Variants in ADAM19 observed in about 807,000 individuals in gnomAD.
ADAM19 encodes the protein disintegrin and metalloproteinase domain-containing protein 19.
Under a neutral mutation model 114.7 loss-of-function variants are expected in ADAM19, and 65 were observed. The ratio of observed to expected loss-of-function variants is 0.57; its 90% CI spans 0.46 to 0.70. The LOEUF is 0.70. ADAM19 is among the 30% of genes least tolerant of loss of function. The pLI, the probability that ADAM19 is intolerant of heterozygous loss-of-function variation, is 0.00. For synonymous variants in ADAM19, 466 were observed against 460.5 expected (o/e 1.01, Z -0.15); for missense variants, 1,063 against 1,204.7 (o/e 0.88, Z 1.74).
intron 2 of ADAM19, among the ~76,000 whole-genome samples, chr5:157,567,566 G>C (rs1342004464): frequency 6.6e-6 from 1 of 152,188 alleles, no homozygotes; most frequent in Non-Finnish European, 1.5e-5. Context: ...GGGAGGCCAA[G>C]GTGGGCGGAT....
intron 8 of ADAM19, 94 bp from the exon 9 acceptor site, chr5:157,509,561 G>A (rs2113726253): frequency 5.0e-6 from 5 of 996,820 alleles, no homozygotes; most frequent in Non-Finnish European, 6.7e-6. Flanking sequence ...AGATTAAAAA[G>A]AAAAAAACTA....
In ADAM19 at chr5:157,530,860, C is replaced by G; in HGVS notation, c.354G>C (p.Thr118=). 1 of 1,614,146 alleles carries G rather than the reference C, an allele frequency of 6.2e-7. No individual in the cohort carries two copies. The highest frequency in any genetic ancestry group is 1.1e-5 in the South Asian group (1 of 91,082). ...KLEDHCFYHG[T]VRETELSSVT... is the part of the protein sequence containing the mutation. ...CGCTGGACAGTTCTGTCTCCCTCACCGTGCCGTGGTAAAAGCAGTGATCCT... is the reference window on the plus strand; with the variant it reads ...CGCTGGACAGTTCTGTCTCCCTCACGGTGCCGTGGTAAAAGCAGTGATCCT... The change falls in exon 5 of 23, where the codon ACG becomes ACC. Residue 118 remains threonine, a synonymous_variant. Transcript: ENST00000257527.
intron 5 of ADAM19, among the ~76,000 whole-genome samples, chr5:157,527,361 C>A (rs1355223841): frequency 6.6e-6 from 1 of 152,194 alleles, no homozygotes; most frequent in African/African-American, 2.4e-5. Context: ...CAGGTGCCCA[C>A]CACCACGCCT....
intron 5 of ADAM19, among the ~76,000 whole-genome samples, chr5:157,521,669 C>T (rs182630667): frequency 6.6e-6 from 1 of 152,274 alleles, no homozygotes; most frequent in Admixed American, 6.5e-5. Context: ...CCAATCACCC[C>T]CTCTGACGGA....
In ADAM19 at chr5:157,479,934, A is replaced by G. The variant is rs1272110425; in HGVS notation, c.*1015T>C. On this transcript the variant is annotated 3_prime_UTR_variant, in exon 23 of 23. Transcript: ENST00000257527. The stretch of plus-strand genomic sequence containing the variant: ...AGACCCCCACCCTGCTGAGGTCACA[A>G]AACACAATGAAAAATAAACATATGA... 1 of 985,796 alleles carries G rather than the reference A, an allele frequency of 1.0e-6. No homozygotes were observed. Among genetic ancestry groups the G allele is most frequent in the African/African-American group, 1.7e-5 (1 of 57,220 alleles). 61.1% of individuals were successfully genotyped at this position (985,796 alleles called of 1,614,324 possible).
intron 3 of ADAM19, among the ~76,000 whole-genome samples, chr5:157,562,563 C>A (rs1001441084): frequency 1.3e-5 from 2 of 152,152 alleles, no homozygotes; most frequent in Admixed American, 1.3e-4. Context: ...ACAAGGACAC[C>A]GAAGTTCCAA....
chr5:157,574,406 T>C (rs539014210), intron 1 of ADAM19, among the ~76,000 whole-genome samples: 2 of 152,238 alleles, frequency 1.3e-5, no homozygotes, highest in South Asian at 4.1e-4. Flanking sequence ...GTGCCTCAGT[T>C]TCCCCTTCGG....
chr5:157,568,192 T>C (rs6556087), intron 2 of ADAM19: 98,949 of 151,994 alleles, frequency 0.65, 33,579 homozygotes, highest in African/African-American at 0.86. Flanking sequence ...AGGCTGGTCT[T>C]GAACTCCTGA....
chr5:157,488,413 C>G lies in ADAM19; in HGVS notation c.2402G>C (p.Gly801Ala). 1.2e-6 allele frequency: 2 copies of G among 1,613,800 alleles called. No homozygotes were observed. Among genetic ancestry groups the G allele is most frequent in the Non-Finnish European group, 1.7e-6 (2 of 1,179,860 alleles). Residue 801 changes from glycine to alanine, a missense_variant, in exon 21 of 23, where the codon GGG becomes GCG. Physicochemically the swap from Gly to Ala is moderately conservative, Grantham distance 60. Coordinates refer to ENST00000257527, the MANE Select transcript of ADAM19 (RefSeq NM_033274.5). ...PRPPPDYLRG[G>A]SPPAPLPAHL... The stretch of plus-strand genomic sequence containing the variant: ...AGCTGGCAGTGGTGCAGGTGGGGAC[C>G]CACCACGCAGATAATCTGGAGGGGG...
chr5:157,537,936 G>C lies in ADAM19; in HGVS notation c.307C>G (p.Gln103Glu), dbSNP rs11134804. The C allele has an allele frequency of 4.9e-3, 7,843 of 1,614,002 alleles. 299 individuals are homozygous for C. The African/African-American group carries it at 0.089, about 18-fold the overall frequency. Residue 103 changes from glutamine to glutamate, a missense_variant, in exon 4 of 23, where the codon CAA becomes GAA. This residue lies in a region of ADAM19 where 615 missense variants were observed against 706.3 expected (regional missense o/e 0.87). Coordinates refer to ENST00000257527, the MANE Select transcript of ADAM19 (RefSeq NM_033274.5). ...ETHYTSSGNP[Q>E]TTTRKLEDHC... ...ACCTCCAATTTCCGTGTGGTGGTTTGAGGGTTACCACTTGAAGTATAATGG... is the reference window on the plus strand; with the variant it reads ...ACCTCCAATTTCCGTGTGGTGGTTTCAGGGTTACCACTTGAAGTATAATGG...
At chr5:157,505,596 G>A in intron 11 of ADAM19, 73 bp downstream of exon 11, 1 of 1,519,172 alleles carries the variant, frequency 6.6e-7, no homozygotes, top group Non-Finnish European at 8.9e-7. Flanking sequence ...GGCCAGCTGG[G>A]AGGAACCCCT....
chr5:157,487,515 G>A (rs902536025), intron 21 of ADAM19, among the ~76,000 whole-genome samples: 10 of 152,208 alleles, frequency 6.6e-5, no homozygotes, highest in African/African-American at 1.9e-4. Flanking sequence ...GCCAGTTCCA[G>A]AAGGCACCCC....
intron 19 of ADAM19, among the ~76,000 whole-genome samples, chr5:157,490,014 T>C (rs1755094366): frequency 6.6e-6 from 1 of 152,186 alleles, no homozygotes; most frequent in Admixed American, 6.5e-5. Context: ...AAATGGGGAA[T>C]AAATCAACTA....
chr5:157,528,137 G>A (rs1384676459), intron 5 of ADAM19, among the ~76,000 whole-genome samples: 1 of 152,220 alleles, frequency 6.6e-6, no homozygotes, highest in Admixed American at 6.5e-5. Context: ...TGTTGCAGCT[G>A]CTCCTTCTCC....
chr5:157,532,243 T>C (rs895880441), intron 4 of ADAM19, among the ~76,000 whole-genome samples: 3 of 152,192 alleles, frequency 2.0e-5, no homozygotes, highest in Non-Finnish European at 4.4e-5. Flanking sequence ...GGAGACACCA[T>C]AGCCAGCAAA....
rs1296451392 is a variant in ADAM19, at chr5:157,519,886, C to G, written c.553G>C (p.Asp185His). 27 of 1,613,956 alleles carry G rather than the reference C, an allele frequency of 1.7e-5. No homozygotes were observed. The highest frequency in any genetic ancestry group is 2.2e-5 in the Non-Finnish European group (26 of 1,179,998). Residue 185 changes from aspartate (D) to histidine (H), a missense_variant, in exon 6 of 23, where the codon GAC becomes CAC. Transcript: ENST00000257527. ...TGTTGTGTAAACTGAAGAGCCCAGT[C>G]CCTGGTGGTGGGCTTGGAGTGCTCG... ...GFEHSKPTTRDWALQFTQQTK... is the reference protein window; with the variant it reads ...GFEHSKPTTRHWALQFTQQTK...
intron 3 of ADAM19, among the ~76,000 whole-genome samples, chr5:157,550,617 A>T (rs1266337278): frequency 6.6e-6 from 1 of 152,066 alleles, no homozygotes; most frequent in Non-Finnish European, 1.5e-5. Flanking sequence ...ATACTAAAAC[A>T]GATGAAATTG....
chr5:157,523,655 T>C (rs901839746), intron 5 of ADAM19, among the ~76,000 whole-genome samples: 2 of 152,242 alleles, frequency 1.3e-5, no homozygotes, highest in African/African-American at 4.8e-5. Flanking sequence ...GCTGGTGTCA[T>C]GCTTCTTGTA....
intron 3 of ADAM19, among the ~76,000 whole-genome samples, chr5:157,561,955 CGAG>C (rs898498067): frequency 4.6e-5 from 7 of 151,772 alleles, no homozygotes; most frequent in African/African-American, 1.7e-4. Flanking sequence ...ATACGTTGAT[CGAG>C]GAGGTTAAGA....
Sources: gnomAD v4.1 joint callset for allele counts (sites outside exome capture counted in the v4.1 genomes callset) on GRCh38, gnomAD v4.1.1 for gene constraint, gnomAD v4.1.1 regional missense constraint, MANE v1.5 for transcripts, NCBI Gene and HGNC (gene_info 2026-07-23, HGNC 2026-07-21) for gene names.